The following SLC1A1 variants were observed in gnomAD, a reference collection of about 807,000 sequenced individuals.
The protein encoded by SLC1A1 is solute carrier family 1 member 1, also known as excitatory amino acid transporter 3.
Under a neutral mutation model 53.3 loss-of-function variants are expected in SLC1A1, and 43 were observed. That is an observed-to-expected ratio of 0.81 (90% CI 0.63 to 1.04). The LOEUF (loss-of-function observed/expected upper bound fraction) is 1.04, where lower values mean the gene tolerates loss of function less well. SLC1A1 is among the 50% of genes least tolerant of loss of function. The pLI is 0.00. For missense variants in SLC1A1, 748 were observed against 664.9 expected (o/e 1.12, Z -1.37); for synonymous variants, 307 against 243.2 (o/e 1.26, Z -2.44).
chr9:4,538,814 G>T (rs1051581852), intron 1 of SLC1A1, among the ~76,000 whole-genome samples: 2 of 152,214 alleles, frequency 1.3e-5, no homozygotes, highest in Non-Finnish European at 2.9e-5. Context: ...GATTATTACA[G>T]CCTAAGGGCA....
intron 1 of SLC1A1, among the ~76,000 whole-genome samples, chr9:4,529,291 A>T (rs1189502758): frequency 5.9e-5 from 9 of 152,166 alleles, no homozygotes; most frequent in African/African-American, 2.2e-4. Flanking sequence ...TTACTTGTGC[A>T]GTTACGTACA....
chr9:4,537,846 G>A (rs144480787), intron 1 of SLC1A1, among the ~76,000 whole-genome samples: 409 of 152,110 alleles, frequency 2.7e-3, no homozygotes, highest in African/African-American at 9.4e-3. Flanking sequence ...CTAGACATTG[G>A]TGACAGTTGT....
rs923377321 is a variant in SLC1A1, at chr9:4,585,606, G to C, written c.*48G>C. On this transcript the variant is annotated 3_prime_UTR_variant, in exon 12 of 12. Transcript: ENST00000262352. ...GAAACAAGGAAGGACATTTCCGTGA[G>C]AGTCATCTCAAACACTGCTTAAGGA... 3 of 1,611,994 alleles carry C rather than the reference G, an allele frequency of 1.9e-6. No individual in the cohort carries two copies. The highest frequency in any genetic ancestry group is 2.5e-6 in the Non-Finnish European group (3 of 1,178,272).
intron 1 of SLC1A1, among the ~76,000 whole-genome samples, chr9:4,514,722 G>C (rs1821107176): frequency 6.6e-6 from 1 of 152,140 alleles, no homozygotes; most frequent in Non-Finnish European, 1.5e-5. Context: ...GGGGCTTTAA[G>C]CTGGAGAGTG....
intron 1 of SLC1A1, among the ~76,000 whole-genome samples, chr9:4,513,956 T>C (rs528060316): frequency 6.6e-6 from 1 of 152,342 alleles, no homozygotes; most frequent in African/African-American, 2.4e-5. Flanking sequence ...ACATAGAATA[T>C]GATTCCATCT....
At position 4,503,187 on chromosome 9, in the gene SLC1A1, C is replaced by A. The variant is rs554140710; in HGVS notation, c.91+12417C>A. On this transcript the variant is annotated intron_variant, in intron 1 of 11. Coordinates refer to ENST00000262352, the MANE Select transcript of SLC1A1 (RefSeq NM_004170.6). Reference sequence around the variant, plus strand: ...CACGTCTGTTCTGTGGCAGACATCACTGATTACAGTACTCTTCACTACTGA... The same window carrying A: ...CACGTCTGTTCTGTGGCAGACATCAATGATTACAGTACTCTTCACTACTGA... Among the ~76,000 whole-genome samples the A allele has an allele frequency of 5.3e-5, 8 of 151,902 alleles. No homozygotes were observed. The East Asian group carries it at 1.5e-3, about 29-fold the overall frequency.
chr9:4,508,573 G>A (rs1413170219), intron 1 of SLC1A1, among the ~76,000 whole-genome samples: 1 of 152,200 alleles, frequency 6.6e-6, no homozygotes, highest in Non-Finnish European at 1.5e-5. Context: ...CATAGCCATT[G>A]TAAAAGGAGA....
intron 10 of SLC1A1, among the ~76,000 whole-genome samples, chr9:4,578,384 G>A (rs1424765494): frequency 1.3e-5 from 2 of 152,214 alleles, no homozygotes; most frequent in Admixed American, 6.5e-5. Flanking sequence ...GTTTATAACT[G>A]TGCCTATGTA....
intron 10 of SLC1A1, among the ~76,000 whole-genome samples, chr9:4,578,626 G>A (rs1820783291): frequency 2.6e-5 from 4 of 152,224 alleles, no homozygotes. Flanking sequence ...ATGGTCCACA[G>A]AGTCAGAAGC....
chr9:4,523,726 G>A (rs1816164216), intron 1 of SLC1A1, among the ~76,000 whole-genome samples: 1 of 152,220 alleles, frequency 6.6e-6, no homozygotes, highest in Non-Finnish European at 1.5e-5. Flanking sequence ...TGTATTAGCT[G>A]TACTTACAGT....
rs201674541 is a variant in SLC1A1 at position 4,537,421 on chromosome 9, C to T, written c.92-7146C>T. 7.3e-5 allele frequency among the ~76,000 whole-genome samples: 7 copies of T among 95,850 alleles called. 2 individuals are homozygous for T. The highest frequency in any genetic ancestry group is 2.2e-4 in the Admixed American group (2 of 8,982). 62.9% of individuals were successfully genotyped at this position (95,850 alleles called of 152,430 possible). A position where few individuals can be genotyped will look rare whatever the true frequency, so the allele number is the denominator to read the frequency against. On this transcript the variant is annotated intron_variant, in intron 1 of 11. Transcript: ENST00000262352. ...AAAAATACAAAAAATTAGCCGGGCGCGGTGGCGGGCGCCTGTAGTCCCAGC... is the reference window on the plus strand; with the variant it reads ...AAAAATACAAAAAATTAGCCGGGCGTGGTGGCGGGCGCCTGTAGTCCCAGC...
chr9:4,529,753 T>C (rs79621787), intron 1 of SLC1A1, among the ~76,000 whole-genome samples: 3,675 of 152,206 alleles, frequency 0.024, 157 homozygotes, highest in African/African-American at 0.085. Flanking sequence ...TGATCTCAAA[T>C]TCCTGGGCTC....
At chr9:4,496,768 G>A (rs948023332) in intron 1 of SLC1A1, among the ~76,000 whole-genome samples, 1 of 152,040 alleles carries the variant, frequency 6.6e-6, no homozygotes, top group Non-Finnish European at 1.5e-5. Flanking sequence ...ACGATGGTGC[G>A]TGCCTGTGGC....
chr9:4,566,585 C>T (rs1026531204), intron 5 of SLC1A1, among the ~76,000 whole-genome samples: 2 of 152,158 alleles, frequency 1.3e-5, no homozygotes, highest in African/African-American at 4.8e-5. Flanking sequence ...TGGAAGCTCA[C>T]ACCTGTAATC....
intron 10 of SLC1A1, among the ~76,000 whole-genome samples, chr9:4,579,373 A>G (rs1017404112): frequency 6.6e-6 from 1 of 152,194 alleles, no homozygotes; most frequent in Non-Finnish European, 1.5e-5. Flanking sequence ...CCCAGTCTTC[A>G]CTGAACTGAT....
intron 1 of SLC1A1, among the ~76,000 whole-genome samples, chr9:4,544,247 T>C (rs1234997340): frequency 1.3e-5 from 2 of 152,184 alleles, no homozygotes; most frequent in African/African-American, 4.8e-5. Context: ...AAAAGAGTTA[T>C]ACTGGATTGA....
intron 10 of SLC1A1, among the ~76,000 whole-genome samples, chr9:4,582,568 C>T (rs1267087277): frequency 6.6e-6 from 1 of 152,124 alleles, no homozygotes; most frequent in Non-Finnish European, 1.5e-5. Flanking sequence ...AAATTCCTGC[C>T]ATATATTAGG....
intron 1 of SLC1A1, among the ~76,000 whole-genome samples, chr9:4,495,976 C>G (rs1271119380): frequency 6.6e-6 from 1 of 152,098 alleles, no homozygotes; most frequent in East Asian, 1.9e-4. Flanking sequence ...AGGTAGGCAG[C>G]AAACACCTGG....
At chr9:4,563,433 T>C (rs1271151370) in intron 3 of SLC1A1, among the ~76,000 whole-genome samples, 1 of 152,184 alleles carries the variant, frequency 6.6e-6, no homozygotes, top group Non-Finnish European at 1.5e-5. Context: ...ATAGCCCTTC[T>C]ACAACCCTGA....
Sources: gnomAD v4.1 joint callset for allele counts (sites outside exome capture counted in the v4.1 genomes callset) on GRCh38, gnomAD v4.1.1 for gene constraint, MANE v1.5 for transcripts, NCBI Gene and HGNC (gene_info 2026-07-23, HGNC 2026-07-21) for gene names.